DAB1: variants seen among roughly 807,000 people sequenced by gnomAD.
The protein encoded by DAB1 is disabled homolog 1.
A neutral mutation model predicts 64.6 loss-of-function variants in DAB1; 15 were observed. That is an observed-to-expected ratio of 0.23 (90% CI 0.16 to 0.36). DAB1 has a LOEUF of 0.36. DAB1 is among the 10% of genes least tolerant of loss of function. DAB1 has a pLI of 1.00. For synonymous variants in DAB1, 235 were observed against 251.9 expected (o/e 0.93, Z 0.64); for missense variants, 596 against 706.7 (o/e 0.84, Z 1.78).
At chr1:57,565,123 A>T (rs2805868) in intron 7 of DAB1, among the ~76,000 whole-genome samples, 100,435 of 152,054 alleles carry the variant, frequency 0.66, 34,083 homozygotes, top group South Asian at 0.79. Context: ...AATATTCAAC[A>T]TTCTTAAAGA....
rs115450587 is a variant in DAB1 at position 58,260,680 on chromosome 1, T to C, written n.309+82672A>G. On this transcript the variant is annotated intron_variant and non_coding_transcript_variant, in intron 4 of 20. Transcript: ENST00000485760. ...TTTAAAATTTTTCTAATGCCTTGTG[T>C]TATACATAGGTGCACACTGTTTTTC... is the stretch of plus-strand genomic sequence containing the variant. Among the ~76,000 whole-genome samples the C allele has an allele frequency of 9.6e-3, 1,460 of 152,330 alleles. 28 individuals carry two copies. Among genetic ancestry groups the C allele is most frequent in the African/African-American group, 0.034 (1,409 of 41,570 alleles).
rs185203481 is a variant in DAB1, at chr1:58,073,566, T to C, written n.387+76945A>G. On this transcript the variant is annotated intron_variant and non_coding_transcript_variant, in intron 5 of 20. Coordinates refer to the DAB1 transcript ENST00000485760. Reference sequence around the variant, plus strand: ...CTTCTGAAACATAGTAAGTCCTTCATAAATATTTGCTGAGTATATAGACAG... The same window carrying C: ...CTTCTGAAACATAGTAAGTCCTTCACAAATATTTGCTGAGTATATAGACAG... 1.2e-4 allele frequency among the ~76,000 whole-genome samples: 18 copies of C among 152,352 alleles called. 1 individual carries two copies. In the East Asian group the frequency reaches 3.5e-3, roughly 29 times the overall value.
chr1:57,846,241 C>A (rs1271362696), intron 1 of DAB1, among the ~76,000 whole-genome samples: 1 of 151,922 alleles, frequency 6.6e-6, no homozygotes, highest in Non-Finnish European at 1.5e-5. Flanking sequence ...GGGCAGATCA[C>A]GAGGTCAGGA....
chr1:57,157,406 A>G (rs1660331211), intron 2 of DAB1, among the ~76,000 whole-genome samples: 1 of 152,198 alleles, frequency 6.6e-6, no homozygotes, highest in Non-Finnish European at 1.5e-5. Context: ...CATAGACTGC[A>G]TGGCTTAAAC....
At chr1:58,180,281 C>CTTTTTTTTTTTTTTTTTTT (rs869204611) in intron 4 of DAB1, among the ~76,000 whole-genome samples, 6 of 61,002 alleles carry the variant, frequency 9.8e-5, no homozygotes, top group African/African-American at 2.8e-4. Flanking sequence ...TTTTTCTTTT[C>CTTTTTTTTTTTTTTTTTTT]TTTTTTTTTT....
At chr1:58,471,194 G>C (rs1215985833) in intron 3 of DAB1, among the ~76,000 whole-genome samples, 1 of 152,170 alleles carries the variant, frequency 6.6e-6, no homozygotes, top group East Asian at 1.9e-4. Flanking sequence ...GAGTTCTGGG[G>C]TCCTATGTTG....
At chr1:58,058,435 C>T (rs1416300964) in intron 5 of DAB1, among the ~76,000 whole-genome samples, 9 of 152,158 alleles carry the variant, frequency 5.9e-5, no homozygotes, top group African/African-American at 1.4e-4. Flanking sequence ...AACTCATTTA[C>T]GCCATTCGCT....
At chr1:57,116,400 T>TGCA (rs1375345613) in intron 4 of DAB1, among the ~76,000 whole-genome samples, 4 of 137,438 alleles carry the variant, frequency 2.9e-5, no homozygotes, top group Non-Finnish European at 6.0e-5. Context: ...AGGTGGAGAT[T>TGCA]GCAGTGAGCT....
chr1:58,537,478 T>A (rs746780543), intron 1 of DAB1, among the ~76,000 whole-genome samples: 41 of 152,192 alleles, frequency 2.7e-4, no homozygotes, highest in Non-Finnish European at 1.6e-4. Flanking sequence ...TAGGTATTCA[T>A]AAGAAAGTGG....
At chr1:58,077,914 G>T (rs1649754365) in intron 5 of DAB1, 1 of 152,184 alleles carries the variant, frequency 6.6e-6, no homozygotes, top group African/African-American at 2.4e-5. Flanking sequence ...TCTGAGCCAA[G>T]CTGTGCTCGA....
Position 58,167,823 on chromosome 1 carries a change from C to T in DAB1, n.310-17235G>A, listed in dbSNP as rs1333539290. Among the ~76,000 whole-genome samples, 54 of 152,172 alleles carry T rather than the reference C, an allele frequency of 3.5e-4. 1 individual carries two copies. Among genetic ancestry groups the T allele is most frequent in the Admixed American group, 3.2e-3 (49 of 15,286 alleles). The stretch of plus-strand genomic sequence containing the variant: ...TCTGTGGCTTCACTCCTGAAGTCAA[C>T]AAGACCATGAACCCGCCAGAAGGAA... On this transcript the variant is annotated intron_variant and non_coding_transcript_variant, in intron 4 of 20. Transcript: ENST00000485760.
chr1:58,218,933 G>T (rs1658997714), intron 4 of DAB1, among the ~76,000 whole-genome samples: 1 of 149,522 alleles, frequency 6.7e-6, no homozygotes, highest in South Asian at 2.1e-4. Flanking sequence ...TTAAGACAGG[G>T]TTATACACAC....
chr1:57,851,265 T>C (rs936052055), intron 1 of DAB1, among the ~76,000 whole-genome samples: 2 of 152,232 alleles, frequency 1.3e-5, no homozygotes, highest in African/African-American at 2.4e-5. Flanking sequence ...CCAATTAAAA[T>C]GTTATTATTT....
At chr1:57,510,738 C>T (rs536520198) in intron 7 of DAB1, among the ~76,000 whole-genome samples, 109 of 152,242 alleles carry the variant, frequency 7.2e-4, no homozygotes, top group Non-Finnish European at 1.3e-3. Flanking sequence ...AATCTCTTAT[C>T]AAGCTCTATT....
At chr1:57,587,008 T>C (rs183846850) in intron 7 of DAB1, among the ~76,000 whole-genome samples, 1 of 152,316 alleles carries the variant, frequency 6.6e-6, no homozygotes, top group Non-Finnish European at 1.5e-5. Context: ...TTTCATTCTG[T>C]AGCATTCCTG....
intron 7 of DAB1, among the ~76,000 whole-genome samples, chr1:57,481,591 C>A (rs1223122448): frequency 6.6e-6 from 1 of 152,010 alleles, no homozygotes. Flanking sequence ...CCAAGGTGGG[C>A]AGATCACCTG....
intron 6 of DAB1, among the ~76,000 whole-genome samples, chr1:57,714,901 A>T (rs1403119841): frequency 6.6e-6 from 1 of 152,198 alleles, no homozygotes; most frequent in Non-Finnish European, 1.5e-5. Flanking sequence ...AAGAAAAGGG[A>T]ACAGTTAAAG....
intron 6 of DAB1, among the ~76,000 whole-genome samples, chr1:57,681,993 C>T (rs1646641207): frequency 6.6e-6 from 1 of 152,116 alleles, no homozygotes; most frequent in African/African-American, 2.4e-5. Context: ...CCCCACCTAC[C>T]TCCTCACAGC....
At chr1:58,224,266 T>A (rs2100332027) in intron 4 of DAB1, among the ~76,000 whole-genome samples, 1 of 152,312 alleles carries the variant, frequency 6.6e-6, no homozygotes, top group Non-Finnish European at 1.5e-5. Flanking sequence ...ACAATTCATA[T>A]TAAGTGTCTA....
Sources: gnomAD v4.1 joint callset for allele counts (sites outside exome capture counted in the v4.1 genomes callset) on GRCh38, gnomAD v4.1.1 for gene constraint, MANE v1.5 for transcripts, NCBI Gene and HGNC (gene_info 2026-07-23, HGNC 2026-07-21) for gene names.